The following KCNMB3 variants were observed in gnomAD, a reference collection of about 807,000 sequenced individuals.
KCNMB3 encodes calcium-activated potassium channel subunit beta-3.
A neutral mutation model predicts 11.9 loss-of-function variants in KCNMB3; 18 were observed. The observed-to-expected ratio is 1.51, with a 90% CI of 1.04 to 2.23. KCNMB3 has a LOEUF of 2.23. KCNMB3 is among the 30% of genes most tolerant of loss of function. The pLI is 0.00. For synonymous variants in KCNMB3, 78 were observed against 119.2 expected, an observed-to-expected ratio of 0.65 and a Z score of 2.25; for missense variants, 247 against 329.4, an observed-to-expected ratio of 0.75 and a Z score of 1.94.
chr3:179,241,577 T>G (rs1323298712), downstream of KCNMB3: 1 of 152,842 alleles, frequency 6.5e-6, no homozygotes, highest in Non-Finnish European at 1.5e-5. Context: ...GTCCATAATT[T>G]AAGATTTTTG....
intron 1 of KCNMB3, among the ~76,000 whole-genome samples, chr3:179,262,578 G>A (rs1015985830): frequency 2.6e-5 from 4 of 152,248 alleles, no homozygotes; most frequent in African/African-American, 7.2e-5. Flanking sequence ...TGCCACTGCT[G>A]GCTGGGGCAG....
chr3:179,241,019 T>C (rs1396929930), downstream of KCNMB3: 1 of 152,138 alleles, frequency 6.6e-6, no homozygotes, highest in Non-Finnish European at 1.5e-5. Flanking sequence ...TAAATGCGTA[T>C]CACATTTAGC....
At chr3:179,260,013 G>A in intron 1 of KCNMB3, 2 of 1,612,554 alleles carry the variant, frequency 1.2e-6, no homozygotes, top group Non-Finnish European at 1.7e-6. Flanking sequence ...TTCCTGGTTG[G>A]TGAATTCTTT....
intron 1 of KCNMB3, among the ~76,000 whole-genome samples, chr3:179,266,029 C>T (rs981732429): frequency 3.9e-5 from 6 of 152,108 alleles, no homozygotes; most frequent in Admixed American, 2.6e-4. Flanking sequence ...AGCGTATACC[C>T]GGTATAACAG....
At chr3:179,261,379 G>T (rs1373689798) in intron 1 of KCNMB3, 1 of 1,113,230 alleles carries the variant, frequency 9.0e-7, no homozygotes, top group Non-Finnish European at 1.1e-6. Flanking sequence ...CCGCGGAGAC[G>T]GAGCCACTCG....
chr3:179,245,213 C>G (rs770285555), intron 1 of KCNMB3, among the ~76,000 whole-genome samples: 7 of 152,132 alleles, frequency 4.6e-5, no homozygotes, highest in Non-Finnish European at 1.0e-4. Context: ...TCTCAAGATG[C>G]ACTGGCTTGT....
intron 1 of KCNMB3, among the ~76,000 whole-genome samples, chr3:179,263,533 G>A (rs1015077045): frequency 1.1e-4 from 16 of 152,246 alleles, no homozygotes; most frequent in African/African-American, 3.9e-4. Flanking sequence ...CCAGCACGTT[G>A]TCACCTCTCA....
chr3:179,244,604 C>T lies in KCNMB3; in HGVS notation c.338G>A (p.Cys113Tyr), dbSNP rs1394148635. 1.9e-6 allele frequency: 3 copies of T among 1,613,910 alleles called. No individual in the cohort carries two copies. Among genetic ancestry groups the T allele is most frequent in the African/African-American group, 2.7e-5 (2 of 74,838 alleles). The change falls in exon 2 of 3, where the codon TGC becomes TAC. Residue 113 changes from cysteine (C) to tyrosine (Y), a missense_variant. Around this residue, in one of 2 missense-constraint regions of KCNMB3, gnomAD observed 160 missense variants for 157.5 expected, o/e 1.02. Transcript: ENST00000392685. ...LDCAFTCGVH[C>Y]HGQGKYPCLQ... The stretch of plus-strand genomic sequence containing the variant: ...ACACGGGTACTTCCCCTGACCGTGG[C>T]AGTGCACACCACAGGTGAAGGCACA...
At chr3:179,263,954 G>C (rs1358001359) in intron 1 of KCNMB3, among the ~76,000 whole-genome samples, 1 of 151,112 alleles carries the variant, frequency 6.6e-6, no homozygotes, top group East Asian at 1.9e-4. Context: ...TATAGGCGCC[G>C]GCTACCACGC....
chr3:179,251,714 G>T (rs771960824), upstream of KCNMB3: 4 of 1,135,590 alleles, frequency 3.5e-6, no homozygotes, highest in Non-Finnish European at 4.4e-6. Context: ...CTTCTCTGTC[G>T]TTTTTTGTTT....
intron 1 of KCNMB3, chr3:179,261,053 G>A: frequency 9.6e-7 from 1 of 1,039,604 alleles, no homozygotes; most frequent in Non-Finnish European, 1.5e-6. Flanking sequence ...GGCCAGCGTG[G>A]CTGCAGACGG....
intron 1 of KCNMB3, chr3:179,258,885 G>A: frequency 6.3e-7 from 1 of 1,589,932 alleles, no homozygotes; most frequent in East Asian, 2.2e-5. Flanking sequence ...ATAACTTAAA[G>A]CAGTAGATCA....
Position 179,250,727 on chromosome 3 carries a change from T to G in KCNMB3, c.248+16A>C. On this transcript the variant is annotated intron_variant, in intron 1 of 2. Transcript: ENST00000392685. ...TCTGAATTGGAAACTCTAGATTTCC[T>G]TCCTCTGTTTCTTACCTGAGCATAA... The G allele has an allele frequency of 6.2e-7, 1 of 1,613,272 alleles. No individual in the cohort carries two copies. Among genetic ancestry groups the G allele is most frequent in the South Asian group, 1.1e-5 (1 of 91,054 alleles).
intron 1 of KCNMB3, among the ~76,000 whole-genome samples, chr3:179,263,298 T>C (rs1726278497): frequency 1.3e-5 from 2 of 152,238 alleles, no homozygotes; most frequent in Non-Finnish European, 2.9e-5. Flanking sequence ...GGTCGGCCAC[T>C]CGGAGTGCTG....
At chr3:179,266,022 G>A (rs183404294) in intron 1 of KCNMB3, among the ~76,000 whole-genome samples, 22 of 151,936 alleles carry the variant, frequency 1.4e-4, no homozygotes, top group Non-Finnish European at 1.6e-4. Flanking sequence ...GGTGTAGAGC[G>A]TATACCCGGT....
intron 1 of KCNMB3, among the ~76,000 whole-genome samples, chr3:179,250,038 C>T (rs2542298): frequency 0.88 from 134,459 of 152,154 alleles, 59,536 homozygotes; most frequent in Middle Eastern, 0.97. Flanking sequence ...GAACTTAAAA[C>T]AAAAATTGAA....
intron 1 of KCNMB3, chr3:179,259,421 G>C: frequency 6.2e-7 from 1 of 1,604,324 alleles, no homozygotes; most frequent in Non-Finnish European, 8.5e-7. Context: ...AATCTAATGT[G>C]TCTCTACCAG....
chr3:179,249,179 ATTT>A, intron 1 of KCNMB3, among the ~76,000 whole-genome samples: 1 of 150,464 alleles, frequency 6.6e-6, no homozygotes, highest in South Asian at 2.1e-4. Flanking sequence ...TGCCCAGCTA[ATTT>A]TTTTGTATTT....
chr3:179,245,697 C>T (rs112324019), intron 1 of KCNMB3, among the ~76,000 whole-genome samples: 2,611 of 152,230 alleles, frequency 0.017, 104 homozygotes, highest in South Asian at 0.13. Flanking sequence ...GATGGGGTTT[C>T]ACCGCATTGG....
Sources: gnomAD v4.1 joint callset for allele counts (sites outside exome capture counted in the v4.1 genomes callset) on GRCh38, gnomAD v4.1.1 for gene constraint, gnomAD v4.1.1 regional missense constraint, MANE v1.5 for transcripts, NCBI Gene and HGNC (gene_info 2026-07-23, HGNC 2026-07-21) for gene names.